Variants in BTBD9 observed in about 807,000 individuals in gnomAD.
BTBD9 encodes BTB/POZ domain-containing protein 9.
In BTBD9, 49 loss-of-function variants were observed where a neutral mutation model predicts 64.3. The observed-to-expected ratio is 0.76, with a 90% CI of 0.61 to 0.97. BTBD9 has a LOEUF of 0.97. Among genes scored for constraint, BTBD9 ranks in the 50% least tolerant of loss-of-function variants. The pLI is 0.00. For missense variants in BTBD9, 598 were observed against 762.1 expected (o/e 0.78, Z 2.53); for synonymous variants, 260 against 274.7 (o/e 0.95, Z 0.53).
chr6:38,562,581 T>C (rs939937402), intron 6 of BTBD9, among the ~76,000 whole-genome samples: 4 of 152,214 alleles, frequency 2.6e-5, no homozygotes, highest in African/African-American at 9.7e-5. Flanking sequence ...TTCCACACCA[T>C]TCTCTATTCT....
chr6:38,310,298 T>C (rs920042359), intron 7 of BTBD9, among the ~76,000 whole-genome samples: 4 of 152,086 alleles, frequency 2.6e-5, no homozygotes, highest in East Asian at 3.8e-4. Context: ...GGCAAATCCC[T>C]GAGTGTGAAG....
At chr6:38,534,738 A>C (rs1773947005) in intron 6 of BTBD9, among the ~76,000 whole-genome samples, 1 of 152,156 alleles carries the variant, frequency 6.6e-6, no homozygotes, top group African/African-American at 2.4e-5. Context: ...AATCAATGTG[A>C]TACATCATAT....
rs1766186118 is a variant in BTBD9, at chr6:38,386,680, T to TGCAA, written c.1155-41588_1155-41587insTTGC. Reference sequence around the variant, plus strand: ...AGTGGGGGGCCAGGGTCTTGTTCTGTCACCCAGGCTGAAGTGCAGTAGTAT... The same window carrying TGCAA: ...AGTGGGGGGCCAGGGTCTTGTTCTGTGCAACACCCAGGCTGAAGTGCAGTAGTAT... On this transcript the variant is annotated intron_variant, in intron 6 of 10. Coordinates refer to ENST00000481247, the MANE Select transcript of BTBD9 (RefSeq NM_001099272.2). Among the ~76,000 whole-genome samples, 3 of 148,632 alleles carry TGCAA rather than the reference T, an allele frequency of 2.0e-5. 1 individual carries two copies. The Admixed American group carries it at 2.0e-4, about 10-fold the overall frequency.
At chr6:38,443,873 C>A (rs551664039) in intron 6 of BTBD9, among the ~76,000 whole-genome samples, 1 of 152,326 alleles carries the variant, frequency 6.6e-6, no homozygotes, top group African/African-American at 2.4e-5. Flanking sequence ...CCACTCCACA[C>A]CTCTGCCCAG....
intron 7 of BTBD9, among the ~76,000 whole-genome samples, chr6:38,334,818 A>T (rs9462429): frequency 6.6e-6 from 1 of 151,970 alleles, no homozygotes; most frequent in Non-Finnish European, 1.5e-5. Flanking sequence ...ATCCTATAAA[A>T]CAAGAGCAGT....
At chr6:38,478,656 A>G (rs1361728691) in intron 6 of BTBD9, among the ~76,000 whole-genome samples, 1 of 152,242 alleles carries the variant, frequency 6.6e-6, no homozygotes, top group East Asian at 1.9e-4. Flanking sequence ...GGCTTCCGGA[A>G]GGATTCTGAC....
At chr6:38,584,032 A>G (rs937373993) in intron 4 of BTBD9, among the ~76,000 whole-genome samples, 1 of 152,174 alleles carries the variant, frequency 6.6e-6, no homozygotes, top group Admixed American at 6.6e-5. Context: ...CTCTTCAAAA[A>G]ATACAAAGTG....
chr6:38,545,583 T>C (rs997726280), intron 6 of BTBD9, among the ~76,000 whole-genome samples: 5 of 151,680 alleles, frequency 3.3e-5, no homozygotes, highest in Non-Finnish European at 5.9e-5. Flanking sequence ...ATCGAGACCA[T>C]CCTGGCTAAC....
chr6:38,368,778 G>A (rs888986062), intron 6 of BTBD9, among the ~76,000 whole-genome samples: 4 of 152,228 alleles, frequency 2.6e-5, no homozygotes, highest in Admixed American at 2.6e-4. Context: ...ATGGCCCTCA[G>A]GCTAAGGGTC....
At chr6:38,421,909 G>C (rs1336642457) in intron 6 of BTBD9, among the ~76,000 whole-genome samples, 1 of 152,220 alleles carries the variant, frequency 6.6e-6, no homozygotes, top group Non-Finnish European at 1.5e-5. Context: ...GTTTGTGACT[G>C]AAAGTAATGA....
chr6:38,519,565 G>A (rs1773194337), intron 6 of BTBD9, among the ~76,000 whole-genome samples: 1 of 152,082 alleles, frequency 6.6e-6, no homozygotes, highest in South Asian at 2.1e-4. Context: ...TTTTTCATTT[G>A]AAAAACTTCA....
intron 6 of BTBD9, among the ~76,000 whole-genome samples, chr6:38,449,006 A>G (rs1180033495): frequency 1.3e-5 from 2 of 152,184 alleles, no homozygotes; most frequent in Non-Finnish European, 2.9e-5. Context: ...GCTACACTTT[A>G]CAAAGGTCAT....
At chr6:38,357,194 C>A (rs1471309284) in intron 6 of BTBD9, among the ~76,000 whole-genome samples, 1 of 152,156 alleles carries the variant, frequency 6.6e-6, no homozygotes, top group Non-Finnish European at 1.5e-5. Context: ...ATGTAGTTAA[C>A]CAATCTTCCT....
At chr6:38,459,250 C>A (rs1164684078) in intron 6 of BTBD9, among the ~76,000 whole-genome samples, 4 of 152,276 alleles carry the variant, frequency 2.6e-5, no homozygotes, top group East Asian at 1.9e-4. Flanking sequence ...AACTCCTGAC[C>A]TCAGGTGATC....
intron 6 of BTBD9, among the ~76,000 whole-genome samples, chr6:38,553,493 C>G (rs1489847627): frequency 6.6e-6 from 1 of 152,174 alleles, no homozygotes; most frequent in Non-Finnish European, 1.5e-5. Context: ...AACTGGTTAT[C>G]CCTTACACTA....
chr6:38,470,543 G>A (rs184757454), intron 6 of BTBD9, among the ~76,000 whole-genome samples: 1 of 152,306 alleles, frequency 6.6e-6, no homozygotes, highest in East Asian at 1.9e-4. Context: ...GGACCTTTGT[G>A]GAAATCCTTC....
intron 6 of BTBD9, among the ~76,000 whole-genome samples, chr6:38,419,213 A>G (rs1441233553): frequency 1.3e-5 from 2 of 152,144 alleles, no homozygotes; most frequent in African/African-American, 4.8e-5. Flanking sequence ...CTAGGTGTTG[A>G]CCCTGTCTCT....
At chr6:38,540,412 T>C (rs546632990) in intron 6 of BTBD9, among the ~76,000 whole-genome samples, 1 of 152,358 alleles carries the variant, frequency 6.6e-6, no homozygotes, top group South Asian at 2.1e-4. Flanking sequence ...TTGGTTTATG[T>C]TACAATAAAC....
chr6:38,427,581 T>C (rs1768231959), intron 6 of BTBD9, among the ~76,000 whole-genome samples: 1 of 151,964 alleles, frequency 6.6e-6, no homozygotes, highest in South Asian at 2.1e-4. Flanking sequence ...TGCTGGAGTT[T>C]TGTTTTTCTA....
Sources: allele counts gnomAD v4.1 joint callset (sites outside exome capture counted in the v4.1 genomes callset), GRCh38; gene constraint gnomAD v4.1.1; transcripts MANE v1.5; gene names NCBI Gene and HGNC (gene_info 2026-07-23, HGNC 2026-07-21).